DAB1: variants seen among roughly 807,000 people sequenced by gnomAD.
DAB1 encodes the protein disabled homolog 1.
In DAB1, 15 loss-of-function variants were observed where a neutral mutation model predicts 64.6. The ratio of observed to expected loss-of-function variants is 0.23; its 90% CI spans 0.16 to 0.36. The LOEUF (loss-of-function observed/expected upper bound fraction) is 0.36, where lower values mean the gene tolerates loss of function less well. DAB1 is among the 10% of genes least tolerant of loss of function. The probability of loss-of-function intolerance (pLI) is 1.00; values close to 1 mark genes in which losing one functional copy is unlikely to be tolerated. For missense variants in DAB1, 596 were observed against 706.7 expected (o/e 0.84, Z 1.78); for synonymous variants, 235 against 251.9 (o/e 0.93, Z 0.64).
chr1:57,061,037 G>A (rs1650332500), intron 9 of DAB1, among the ~76,000 whole-genome samples: 1 of 152,090 alleles, frequency 6.6e-6, no homozygotes, highest in South Asian at 2.1e-4. Flanking sequence ...GAAACACGAA[G>A]AGCAGACCAA....
chr1:57,863,124 T>C (rs1654139525), intron 1 of DAB1: 1 of 152,140 alleles, frequency 6.6e-6, no homozygotes, highest in Non-Finnish European at 1.5e-5. Flanking sequence ...CATTTGACAA[T>C]ATGGATGTAA....
intron 7 of DAB1, among the ~76,000 whole-genome samples, chr1:57,506,020 T>C (rs1644339167): frequency 6.6e-6 from 1 of 152,208 alleles, no homozygotes; most frequent in South Asian, 2.1e-4. Context: ...AAAAATAAAT[T>C]TTAGAACAAT....
chr1:57,192,519 T>A (rs941905800), intron 2 of DAB1, among the ~76,000 whole-genome samples: 10 of 152,208 alleles, frequency 6.6e-5, no homozygotes, highest in African/African-American at 2.4e-4. Context: ...AAAGGAGCAC[T>A]GTAAGGGTTC....
intron 1 of DAB1, among the ~76,000 whole-genome samples, chr1:57,401,396 A>T (rs761689731): frequency 1.3e-4 from 20 of 152,234 alleles, no homozygotes; most frequent in Admixed American, 6.5e-5. Flanking sequence ...ATGAAAAAAC[A>T]TATATGAAAA....
At chr1:58,144,393 C>T (rs1654474398) in intron 5 of DAB1, among the ~76,000 whole-genome samples, 1 of 152,184 alleles carries the variant, frequency 6.6e-6, no homozygotes, top group South Asian at 2.1e-4. Flanking sequence ...TAATGACTAA[C>T]ATTTGTACAG....
intron 1 of DAB1, chr1:58,538,730 C>A: frequency 1.5e-6 from 1 of 679,096 alleles, no homozygotes; most frequent in Non-Finnish European, 2.5e-6. Context: ...AAAGTTAATA[C>A]GTTAGCACAA....
At chr1:57,616,253 C>T (rs1645789122) in intron 7 of DAB1, among the ~76,000 whole-genome samples, 1 of 152,198 alleles carries the variant, frequency 6.6e-6, no homozygotes, top group African/African-American at 2.4e-5. Flanking sequence ...CCTGAGAAGA[C>T]TCTATCTCAC....
At chr1:57,807,486 T>C (rs1408136) in intron 6 of DAB1, among the ~76,000 whole-genome samples, 22,898 of 152,150 alleles carry the variant, frequency 0.15, 2,307 homozygotes, top group Admixed American at 0.3. Flanking sequence ...TTTCTTCTTG[T>C]TTTATGTCAT....
intron 1 of DAB1, among the ~76,000 whole-genome samples, chr1:58,545,269 G>C (rs1286543942): frequency 6.6e-6 from 1 of 152,136 alleles, no homozygotes; most frequent in Non-Finnish European, 1.5e-5. Context: ...CTCATGACTT[G>C]TGTAAAAATT....
chr1:58,409,181 C>G (rs1260173099), intron 3 of DAB1, among the ~76,000 whole-genome samples: 1 of 151,554 alleles, frequency 6.6e-6, no homozygotes, highest in South Asian at 2.1e-4. Context: ...TAAGTGATAA[C>G]GTTGAGCATT....
chr1:58,115,240 CTCA>C (rs1486602183), intron 5 of DAB1, among the ~76,000 whole-genome samples: 7 of 68,230 alleles, frequency 1.0e-4, no homozygotes, highest in African/African-American at 3.7e-4. Flanking sequence ...TGAAGAAATG[CTCA>C]TCATCACTGG....
intron 1 of DAB1, among the ~76,000 whole-genome samples, chr1:57,413,718 C>T (rs1427900089): frequency 3.0e-5 from 4 of 135,158 alleles, no homozygotes; most frequent in African/African-American, 5.7e-5. Flanking sequence ...CACTCCAGCC[C>T]AGGCGACACA....
chr1:58,024,277 G>A (rs1023403024), intron 5 of DAB1, among the ~76,000 whole-genome samples: 2 of 152,170 alleles, frequency 1.3e-5, no homozygotes, highest in Non-Finnish European at 2.9e-5. Flanking sequence ...ATGCCATACA[G>A]TGGAAAGATC....
At chr1:58,246,880 GGGTGTGAGGGTAGTGTGTGTGTAC>G (rs781242874) in intron 4 of DAB1, among the ~76,000 whole-genome samples, 8 of 152,024 alleles carry the variant, frequency 5.3e-5, no homozygotes, top group Non-Finnish European at 1.2e-4. Flanking sequence ...GTAGGTGTGT[GGGTGTGAGGGTAGTGTGTGTGTAC>G]GGTGTGAGCA....
At chr1:58,542,222 T>C (rs1646633921) in intron 1 of DAB1, among the ~76,000 whole-genome samples, 1 of 152,180 alleles carries the variant, frequency 6.6e-6, no homozygotes, top group Non-Finnish European at 1.5e-5. Flanking sequence ...TATATAATAG[T>C]TTGACATTAT....
At chr1:57,792,763 G>A (rs1468895333) in intron 6 of DAB1, among the ~76,000 whole-genome samples, 2 of 152,194 alleles carry the variant, frequency 1.3e-5, no homozygotes, top group African/African-American at 2.4e-5. Context: ...ATTGTTTAGA[G>A]AGCTTGGTTT....
intron 1 of DAB1, among the ~76,000 whole-genome samples, chr1:57,364,159 G>A (rs962278699): frequency 6.6e-6 from 1 of 152,142 alleles, no homozygotes; most frequent in East Asian, 1.9e-4. Context: ...ATGGCCATGG[G>A]GTATGCCTAG....
At chr1:57,725,664 A>ATT (rs1557444914) in intron 6 of DAB1, among the ~76,000 whole-genome samples, 2 of 152,220 alleles carry the variant, frequency 1.3e-5, no homozygotes, top group South Asian at 4.1e-4. Flanking sequence ...CACTTGGTAA[A>ATT]TACACTTTAA....
intron 4 of DAB1, among the ~76,000 whole-genome samples, chr1:58,245,328 A>G (rs932345064): frequency 3.9e-5 from 6 of 152,262 alleles, no homozygotes; most frequent in African/African-American, 1.4e-4. Context: ...CTGGACCCAA[A>G]GACCTGAGTT....
Sources: allele counts gnomAD v4.1 joint callset (sites outside exome capture counted in the v4.1 genomes callset), GRCh38; gene constraint gnomAD v4.1.1; transcripts MANE v1.5; gene names NCBI Gene and HGNC (gene_info 2026-07-23, HGNC 2026-07-21).